The following CDK6 variants were observed in gnomAD, a reference collection of about 807,000 sequenced individuals.
CDK6 encodes the protein cyclin-dependent kinase 6.
CDK6 carries 6 observed loss-of-function variants against 37.1 expected under a neutral mutation model. The ratio of observed to expected loss-of-function variants is 0.16; its 90% CI spans 0.09 to 0.32. CDK6 has a LOEUF of 0.32. Among genes scored for constraint, CDK6 ranks in the 10% least tolerant of loss-of-function variants. The pLI is 1.00. For synonymous variants in CDK6, 160 were observed against 161.3 expected, an observed-to-expected ratio of 0.99 and a Z score of 0.06; for missense variants, 224 against 418.9, an observed-to-expected ratio of 0.53 and a Z score of 4.06.
chr7:92,621,659 G>C (rs1270790910), intron 6 of CDK6, among the ~76,000 whole-genome samples: 2 of 152,134 alleles, frequency 1.3e-5, no homozygotes, highest in African/African-American at 4.8e-5. Flanking sequence ...AACAGTCATG[G>C]GGAAAAATAG....
At chr7:92,676,236 A>G (rs1323469030) in intron 4 of CDK6, among the ~76,000 whole-genome samples, 1 of 152,044 alleles carries the variant, frequency 6.6e-6, no homozygotes, top group East Asian at 1.9e-4. Context: ...ATCTTTAAAT[A>G]CTATGTAATT....
At chr7:92,745,498 A>T (rs1799037038) in intron 3 of CDK6, among the ~76,000 whole-genome samples, 1 of 152,208 alleles carries the variant, frequency 6.6e-6, no homozygotes, top group Non-Finnish European at 1.5e-5. Context: ...CTGGATCAGG[A>T]CTGATGCCTG....
chr7:92,825,200 T>C (rs1054200684), intron 2 of CDK6, among the ~76,000 whole-genome samples: 32 of 152,126 alleles, frequency 2.1e-4, no homozygotes, highest in African/African-American at 7.5e-4. Context: ...TAACAAAGCG[T>C]TGAATATAAC....
intron 5 of CDK6, among the ~76,000 whole-genome samples, chr7:92,669,385 C>A (rs1797026819): frequency 6.6e-6 from 1 of 152,128 alleles, no homozygotes; most frequent in Non-Finnish European, 1.5e-5. Context: ...ATACTTAATT[C>A]TACATATATA....
chr7:92,810,003 GA>G (rs1326900074), intron 2 of CDK6, among the ~76,000 whole-genome samples: 2 of 152,188 alleles, frequency 1.3e-5, no homozygotes, highest in Non-Finnish European at 2.9e-5. Context: ...GTAGGTCATG[GA>G]AAGCTAACTG....
intron 4 of CDK6, among the ~76,000 whole-genome samples, chr7:92,720,989 G>GTT (rs1212049533): frequency 6.6e-6 from 1 of 152,092 alleles, no homozygotes; most frequent in Non-Finnish European, 1.5e-5. Context: ...GTTCTCATTG[G>GTT]TTTTCCAATG....
chr7:92,710,860 G>A, intron 4 of CDK6: 1 of 985,390 alleles, frequency 1.0e-6, no homozygotes, highest in Non-Finnish European at 1.2e-6. Context: ...GGAGATGAAA[G>A]TTACAGCCAT....
chr7:92,612,196 A>AC lies in CDK6; in HGVS notation c.*2943dup. 1 of 233,168 alleles carries AC rather than the reference A, an allele frequency of 4.3e-6. No homozygotes were observed. Among genetic ancestry groups the AC allele is most frequent in the Non-Finnish European group, 8.5e-6 (1 of 117,950 alleles). The allele number at this position is 233,168 out of a possible 1,614,324, so 14.4% of individuals were successfully genotyped here. The stretch of plus-strand genomic sequence containing the variant: ...CGCCAGAACCAAACATCAAACAGAA[A>AC]CTAGCAGGGACATTCTTGTACTGGT... On this transcript the variant is annotated 3_prime_UTR_variant, in exon 8 of 8. Transcript: ENST00000424848.
chr7:92,798,091 T>G (rs996068489), intron 2 of CDK6, among the ~76,000 whole-genome samples: 10 of 152,236 alleles, frequency 6.6e-5, no homozygotes, highest in African/African-American at 2.4e-4. Context: ...GTGAATTTTG[T>G]CAACACTGTT....
chr7:92,749,018 G>T (rs1314098621), intron 3 of CDK6, among the ~76,000 whole-genome samples: 1 of 152,030 alleles, frequency 6.6e-6, no homozygotes. Flanking sequence ...GACCAACATG[G>T]TGAAACACCA....
At chr7:92,715,554 T>C (rs990256742) in intron 4 of CDK6, among the ~76,000 whole-genome samples, 4 of 152,102 alleles carry the variant, frequency 2.6e-5, no homozygotes, top group Non-Finnish European at 5.9e-5. Flanking sequence ...GGTGCAACAA[T>C]GTCACTCACC....
intron 3 of CDK6, among the ~76,000 whole-genome samples, chr7:92,726,088 G>A (rs180859730): frequency 3.9e-4 from 60 of 152,284 alleles, no homozygotes; most frequent in Non-Finnish European, 6.5e-4. Flanking sequence ...ACTGGTTTCA[G>A]TGGCTCATGC....
At chr7:92,693,802 A>G (rs974508546) in intron 4 of CDK6, among the ~76,000 whole-genome samples, 9 of 152,226 alleles carry the variant, frequency 5.9e-5, no homozygotes, top group African/African-American at 2.2e-4. Flanking sequence ...ACTGTTACAC[A>G]TTAAATAGGC....
intron 2 of CDK6, among the ~76,000 whole-genome samples, chr7:92,780,577 G>A (rs1234982587): frequency 1.3e-5 from 2 of 151,726 alleles, no homozygotes; most frequent in Non-Finnish European, 2.9e-5. Context: ...TGGCTAACAC[G>A]GTGAAACCCC....
At chr7:92,729,226 G>A (rs1443417119) in intron 3 of CDK6, among the ~76,000 whole-genome samples, 2 of 152,012 alleles carry the variant, frequency 1.3e-5, no homozygotes, top group African/African-American at 4.8e-5. Context: ...AGTATCGTGA[G>A]GCATACTCTT....
Position 92,833,459 on chromosome 7 carries a change from C to A in CDK6, c.-136G>T. ...TTTACTTGCTCCCCGCCGGCTCAGG[C>A]GCTCGGGCGCTGGGGCTTTCGCCGC... On this transcript the variant is annotated 5_prime_UTR_variant, in exon 2 of 8. Transcript: ENST00000424848. The surrounding 1 kb of genome is among the most constrained non-coding windows in gnomAD (Gnocchi z 6.1). 1.6e-6 allele frequency: 1 copy of A among 620,456 alleles called. No individual in the cohort carries two copies. The allele number at this position is 620,456 out of a possible 1,614,324, so 38.4% of individuals were successfully genotyped here.
chr7:92,701,770 T>C (rs1797853048), intron 4 of CDK6: 2 of 152,420 alleles, frequency 1.3e-5, no homozygotes, highest in Non-Finnish European at 2.9e-5. Flanking sequence ...GCTAATCTTC[T>C]CTGTATCGTT....
At chr7:92,719,575 T>C (rs1159662122) in intron 4 of CDK6, among the ~76,000 whole-genome samples, 2 of 152,178 alleles carry the variant, frequency 1.3e-5, no homozygotes, top group African/African-American at 4.8e-5. Context: ...GAGAATTTTA[T>C]TAAGTCACTA....
chr7:92,713,498 C>T (rs1293327803), intron 4 of CDK6, among the ~76,000 whole-genome samples: 1 of 151,934 alleles, frequency 6.6e-6, no homozygotes, highest in Non-Finnish European at 1.5e-5. Flanking sequence ...TGTTCCCTGA[C>T]TTAAATTAAT....
Sources: gnomAD v4.1 joint callset for allele counts (sites outside exome capture counted in the v4.1 genomes callset) on GRCh38, gnomAD v4.1.1 for gene constraint, Gnocchi (gnomAD v3.1) non-coding constraint, MANE v1.5 for transcripts, NCBI Gene and HGNC (gene_info 2026-07-23, HGNC 2026-07-21) for gene names.